The following FYN variants were observed in gnomAD, a reference collection of about 807,000 sequenced individuals.
FYN encodes the protein FYN proto-oncogene, Src family tyrosine kinase, also known as tyrosine-protein kinase Fyn.
In FYN, 10 loss-of-function variants were observed where a neutral mutation model predicts 70.2. That is an observed-to-expected ratio of 0.14 (90% CI 0.09 to 0.24). The LOEUF (loss-of-function observed/expected upper bound fraction) is 0.24. Among genes scored for constraint, FYN ranks in the 10% least tolerant of loss-of-function variants. The probability of loss-of-function intolerance (pLI) is 1.00; values close to 1 mark genes in which losing one functional copy is unlikely to be tolerated. For missense variants in FYN, 319 were observed against 673.1 expected, an observed-to-expected ratio of 0.47 and a Z score of 5.82; for synonymous variants, 236 against 248.6, an observed-to-expected ratio of 0.95 and a Z score of 0.48.
At chr6:111,787,753 A>G (rs938964136) in intron 2 of FYN, among the ~76,000 whole-genome samples, 1 of 152,236 alleles carries the variant, frequency 6.6e-6, no homozygotes, top group Admixed American at 6.5e-5. Flanking sequence ...TATAAAATGA[A>G]GATGAGAGGA....
intron 4 of FYN, among the ~76,000 whole-genome samples, chr6:111,715,969 A>C (rs1800625507): frequency 6.6e-6 from 1 of 152,250 alleles, no homozygotes; most frequent in Admixed American, 6.5e-5. Flanking sequence ...TGAAACTATG[A>C]AATTCCTGAT....
At chr6:111,785,058 T>C (rs190662604) in intron 2 of FYN, among the ~76,000 whole-genome samples, 1 of 152,262 alleles carries the variant, frequency 6.6e-6, no homozygotes, top group Non-Finnish European at 1.5e-5. Context: ...ATTTCTGGGG[T>C]TAGGTTTGTT....
intron 13 of FYN, among the ~76,000 whole-genome samples, chr6:111,664,120 C>T (rs752894212): frequency 1.3e-5 from 2 of 152,202 alleles, no homozygotes; most frequent in African/African-American, 2.4e-5. Context: ...TGTGTAATCA[C>T]GTAGCAGAAC....
At chr6:111,767,136 T>C (rs1268755391) in intron 3 of FYN, among the ~76,000 whole-genome samples, 1 of 152,200 alleles carries the variant, frequency 6.6e-6, no homozygotes, top group Non-Finnish European at 1.5e-5. Flanking sequence ...GAAAATACAA[T>C]GCTGTTTTCT....
At chr6:111,682,107 C>T (rs1798804716) in intron 12 of FYN, among the ~76,000 whole-genome samples, 1 of 152,230 alleles carries the variant, frequency 6.6e-6, no homozygotes, top group South Asian at 2.1e-4. Context: ...AATGCTCTAA[C>T]TAGCTAAAGG....
intron 2 of FYN, among the ~76,000 whole-genome samples, chr6:111,834,633 G>C (rs1271334757): frequency 6.6e-6 from 1 of 152,148 alleles, no homozygotes; most frequent in Non-Finnish European, 1.5e-5. Context: ...TTGCTGCAAG[G>C]GAACGTGCAA....
At chr6:111,728,103 T>C (rs1168029471) in intron 3 of FYN, among the ~76,000 whole-genome samples, 8 of 152,168 alleles carry the variant, frequency 5.3e-5, no homozygotes. Flanking sequence ...ATGGAAAGGC[T>C]CCAAGAAAAG....
chr6:111,699,832 T>G (rs566749751), intron 9 of FYN: 3 of 743,862 alleles, frequency 4.0e-6, no homozygotes, highest in Admixed American at 6.4e-5. Context: ...GGAACATTCC[T>G]TGGACCATTT....
chr6:111,784,225 G>A (rs923143786), intron 2 of FYN, among the ~76,000 whole-genome samples: 10 of 152,136 alleles, frequency 6.6e-5, no homozygotes, highest in Non-Finnish European at 8.8e-5. Context: ...TTAGGTTGGC[G>A]TTGAAGTCTG....
chr6:111,739,395 G>A (rs548989597), intron 3 of FYN, among the ~76,000 whole-genome samples: 31 of 152,336 alleles, frequency 2.0e-4, no homozygotes, highest in Middle Eastern at 3.4e-3. Flanking sequence ...GACATACAGG[G>A]AGCCCATCTC....
intron 4 of FYN, 42 bp from the exon 5 acceptor site, chr6:111,714,485 G>C (rs1012458607): frequency 1.5e-6 from 2 of 1,349,896 alleles, no homozygotes; most frequent in African/African-American, 2.9e-5. Context: ...TATTACACAA[G>C]GGGAAATTAA....
chr6:111,784,027 T>TA (rs1158444960), intron 2 of FYN, among the ~76,000 whole-genome samples: 24 of 152,206 alleles, frequency 1.6e-4, no homozygotes, highest in African/African-American at 5.8e-4. Context: ...TGGCCCAATT[T>TA]AAGCCAATGA....
chr6:111,790,247 TACACACACACACACACACACACACAC>T (rs61565042), intron 2 of FYN, among the ~76,000 whole-genome samples: 12 of 125,874 alleles, frequency 9.5e-5, no homozygotes, highest in African/African-American at 2.7e-4. Flanking sequence ...GAACCTTAGA[TACACACACACACACACACACACACAC>T]ACACACACAC....
At chr6:111,825,809 G>A (rs1178366222) in intron 2 of FYN, among the ~76,000 whole-genome samples, 1 of 152,008 alleles carries the variant, frequency 6.6e-6, no homozygotes, top group Non-Finnish European at 1.5e-5. Context: ...AGGAAAGCTG[G>A]AGGGAAAAAG....
intron 3 of FYN, among the ~76,000 whole-genome samples, chr6:111,745,586 G>A (rs1802172753): frequency 6.6e-6 from 1 of 152,182 alleles, no homozygotes; most frequent in South Asian, 2.1e-4. Context: ...TAACTAGAGA[G>A]TTAAGCAGGG....
Position 111,674,559 on chromosome 6 carries a change from C to T in FYN, c.1345G>A (p.Val449Met), listed in dbSNP as rs766184115. The change falls in exon 13 of 14, where the codon GTG (valine) becomes ATG (methionine). Residue 449 changes from valine to methionine, a missense_variant. Coordinates refer to ENST00000354650, the MANE Select transcript of FYN (RefSeq NM_002037.5). ...LYGRFTIKSD[V>M]WSFGILLTEL... is the part of the protein sequence containing the mutation. ...GTGAGTAAGATTCCAAAAGACCACA[C>T]GTCAGACTTGATTGTGAACCTCCCG... The T allele has an allele frequency of 3.7e-6, 6 of 1,614,058 alleles. No homozygotes were observed. Among genetic ancestry groups the T allele is most frequent in the African/African-American group, 2.7e-5 (2 of 75,040 alleles).
chr6:111,822,954 G>A (rs1772719307), intron 2 of FYN, among the ~76,000 whole-genome samples: 1 of 152,188 alleles, frequency 6.6e-6, no homozygotes, highest in Non-Finnish European at 1.5e-5. Flanking sequence ...AACAGCAGCA[G>A]TGGAAATACA....
At chr6:111,726,941 C>T (rs772350337) in intron 3 of FYN, among the ~76,000 whole-genome samples, 1 of 152,192 alleles carries the variant, frequency 6.6e-6, no homozygotes, top group African/African-American at 2.4e-5. Context: ...AAGAAGGTGC[C>T]TGCTTCTCCT....
chr6:111,867,896 A>C (rs1421071919), intron 1 of FYN, among the ~76,000 whole-genome samples: 6 of 152,128 alleles, frequency 3.9e-5, no homozygotes, highest in African/African-American at 2.4e-5. Flanking sequence ...TACGTACAAG[A>C]ATCTTTCTCA....
Sources: gnomAD v4.1 joint callset for allele counts (sites outside exome capture counted in the v4.1 genomes callset) on GRCh38, gnomAD v4.1.1 for gene constraint, MANE v1.5 for transcripts, NCBI Gene and HGNC (gene_info 2026-07-23, HGNC 2026-07-21) for gene names.